SNX29: variants seen among roughly 807,000 people sequenced by gnomAD.
SNX29 encodes sorting nexin 29, also known as sorting nexin-29.
SNX29 carries 78 observed loss-of-function variants against 102.1 expected under a neutral mutation model. The observed-to-expected ratio is 0.76, with a 90% CI of 0.64 to 0.92. The LOEUF is 0.92. SNX29 is among the 40% of genes least tolerant of loss of function. The pLI, the probability that SNX29 is intolerant of heterozygous loss-of-function variation, is 0.00. For synonymous variants in SNX29, 580 were observed against 414.5 expected (o/e 1.40, Z -4.85); for missense variants, 1,280 against 1,061.7 (o/e 1.21, Z -2.86).
chr16:12,482,717 CCTTT>C (rs1315342923), intron 19 of SNX29, among the ~76,000 whole-genome samples: 3 of 152,220 alleles, frequency 2.0e-5, no homozygotes, highest in Non-Finnish European at 4.4e-5. Flanking sequence ...CGTAGTTTAG[CCTTT>C]CTCATTTGTC....
At chr16:12,070,576 T>G (rs932584129) in intron 10 of SNX29, among the ~76,000 whole-genome samples, 2 of 151,918 alleles carry the variant, frequency 1.3e-5, no homozygotes, top group Non-Finnish European at 2.9e-5. Flanking sequence ...CCAGTCTATC[T>G]TTGTTGGACA....
intron 3 of SNX29, among the ~76,000 whole-genome samples, chr16:12,004,749 T>C (rs936023058): frequency 1.3e-5 from 2 of 152,232 alleles, no homozygotes; most frequent in African/African-American, 4.8e-5. Flanking sequence ...CTTCCTGGAA[T>C]AGAGCCACGT....
chr16:12,183,841 A>T (rs1451621610), intron 13 of SNX29, among the ~76,000 whole-genome samples: 1 of 152,214 alleles, frequency 6.6e-6, no homozygotes, highest in Non-Finnish European at 1.5e-5. Flanking sequence ...AACCACGATG[A>T]CGATGAGAGT....
intron 11 of SNX29, among the ~76,000 whole-genome samples, chr16:12,119,745 G>T (rs2053893993): frequency 2.6e-5 from 4 of 152,354 alleles, no homozygotes; most frequent in African/African-American, 9.6e-5. Flanking sequence ...AAGCAAGCTG[G>T]ACCAGGTGTG....
chr16:12,537,640 T>A (rs529034637), intron 20 of SNX29, among the ~76,000 whole-genome samples: 24 of 147,272 alleles, frequency 1.6e-4, no homozygotes, highest in African/African-American at 5.4e-4. Context: ...AGCTTAGATA[T>A]TATTACAGTT....
At chr16:12,080,170 A>G (rs2051793998) in intron 11 of SNX29, among the ~76,000 whole-genome samples, 1 of 152,148 alleles carries the variant, frequency 6.6e-6, no homozygotes, top group Non-Finnish European at 1.5e-5. Context: ...TTGGGCCAGC[A>G]TTCATGTCAT....
At chr16:12,219,979 C>T (rs766552363) in intron 14 of SNX29, among the ~76,000 whole-genome samples, 5 of 152,368 alleles carry the variant, frequency 3.3e-5, no homozygotes, top group South Asian at 4.1e-4. Context: ...GTACCTGTCC[C>T]GGCCTCAACT....
intron 3 of SNX29, among the ~76,000 whole-genome samples, chr16:12,009,516 G>A (rs1158311370): frequency 2.0e-5 from 3 of 151,072 alleles, no homozygotes; most frequent in Non-Finnish European, 4.4e-5. Context: ...TGTGAGAGAC[G>A]GACACCGTGA....
chr16:12,373,050 C>G (rs2082739931), intron 16 of SNX29: 1 of 152,216 alleles, frequency 6.6e-6, no homozygotes, highest in African/African-American at 2.4e-5. Flanking sequence ...CCCCAAGTCT[C>G]CATGTCCCCA....
At chr16:11,989,401 G>A (rs1324956947) in intron 1 of SNX29, among the ~76,000 whole-genome samples, 1 of 152,178 alleles carries the variant, frequency 6.6e-6, no homozygotes, top group African/African-American at 2.4e-5. Flanking sequence ...TTTCCATTGT[G>A]TGCTGGCAGA....
chr16:12,085,367 G>T (rs572384252), intron 11 of SNX29, among the ~76,000 whole-genome samples: 1 of 152,260 alleles, frequency 6.6e-6, no homozygotes, highest in Non-Finnish European at 1.5e-5. Context: ...CGCTCTGTTG[G>T]CCAGGCTGGA....
intron 13 of SNX29, among the ~76,000 whole-genome samples, chr16:12,141,329 C>A (rs1427324074): frequency 6.6e-6 from 1 of 152,178 alleles, no homozygotes; most frequent in Non-Finnish European, 1.5e-5. Flanking sequence ...CAGTTAGTAT[C>A]CTCGGCTCTA....
rs983890700 is a variant in SNX29, at chr16:12,563,611, T to G, written c.2319-4895T>G. ...GCCTCCATGTCTGTATCACCACATC[T>G]CACAGACGAGACTGTCCTGGCCCCA... On this transcript the variant is annotated intron_variant, in intron 20 of 20. Transcript: ENST00000566228. Among the ~76,000 whole-genome samples the G allele has an allele frequency of 3.6e-5, 5 of 139,380 alleles. No individual in the cohort carries two copies. The East Asian group carries it at 1.2e-3, about 34-fold the overall frequency. 91.4% of individuals were successfully genotyped at this position (139,380 alleles called of 152,430 possible). A position where few individuals can be genotyped will look rare whatever the true frequency, so the allele number is the denominator to read the frequency against.
Position 12,573,826 on chromosome 16 carries a change from T to A in SNX29, c.*5197T>A, listed in dbSNP as rs1322710542. The A allele has an allele frequency of 9.3e-6, 2 of 216,172 alleles. No homozygotes were observed. Among genetic ancestry groups the A allele is most frequent in the African/African-American group, 2.3e-5 (1 of 44,300 alleles). 13.4% of individuals were successfully genotyped at this position (216,172 alleles called of 1,614,324 possible). On this transcript the variant is annotated 3_prime_UTR_variant, in exon 21 of 21. Transcript: ENST00000566228. ...GATGGGGGTAGAGCTAATTGGAATT[T>A]TTATTATCCAGGACTCATCCTAAGA...
chr16:12,270,051 G>T (rs2079045854), intron 14 of SNX29, among the ~76,000 whole-genome samples: 1 of 151,994 alleles, frequency 6.6e-6, no homozygotes, highest in Admixed American at 6.6e-5. Flanking sequence ...AGTAGAGATG[G>T]GGTTTCACCA....
chr16:12,022,341 C>T (rs1235858813), intron 3 of SNX29, among the ~76,000 whole-genome samples: 1 of 151,876 alleles, frequency 6.6e-6, no homozygotes, highest in Non-Finnish European at 1.5e-5. Context: ...GCTGGGATTA[C>T]AGGAGCCTGC....
intron 15 of SNX29, among the ~76,000 whole-genome samples, chr16:12,295,111 C>A (rs1016414209): frequency 6.6e-6 from 1 of 152,174 alleles, no homozygotes; most frequent in Non-Finnish European, 1.5e-5. Context: ...ATTCAATTAT[C>A]CCCCCACTGG....
At chr16:12,452,539 G>C (rs964907233) in intron 18 of SNX29, among the ~76,000 whole-genome samples, 1 of 152,226 alleles carries the variant, frequency 6.6e-6, no homozygotes, top group Non-Finnish European at 1.5e-5. Flanking sequence ...CCTGGAGGCA[G>C]GATGGGGTGA....
chr16:12,343,988 G>C (rs1326928378), intron 15 of SNX29, among the ~76,000 whole-genome samples: 1 of 152,276 alleles, frequency 6.6e-6, no homozygotes, highest in African/African-American at 2.4e-5. Context: ...TGAGATAATT[G>C]AATCACAGAG....
Sources: gnomAD v4.1 joint callset for allele counts (sites outside exome capture counted in the v4.1 genomes callset) on GRCh38, gnomAD v4.1.1 for gene constraint, MANE v1.5 for transcripts, NCBI Gene and HGNC (gene_info 2026-07-23, HGNC 2026-07-21) for gene names.